The following RBMS3 variants were observed in gnomAD, a reference collection of about 807,000 sequenced individuals.
RBMS3 encodes the protein RNA binding motif single stranded interacting protein 3, also known as RNA-binding motif, single-stranded-interacting protein 3.
In RBMS3, 27 loss-of-function variants were observed where a neutral mutation model predicts 66.8. The observed-to-expected ratio is 0.40, with a 90% CI of 0.30 to 0.56. The LOEUF (loss-of-function observed/expected upper bound fraction) is 0.56, where lower values mean the gene tolerates loss of function less well. Ranked by LOEUF, RBMS3 falls within the 20% of genes least tolerant of loss-of-function variation. The pLI is 0.40. For synonymous variants in RBMS3, 188 were observed against 183.0 expected, an observed-to-expected ratio of 1.03 and a Z score of -0.22; for missense variants, 513 against 549.5, an observed-to-expected ratio of 0.93 and a Z score of 0.66.
At chr3:30,002,573 G>T (rs1423907373) in intron 14 of RBMS3, among the ~76,000 whole-genome samples, 1 of 151,988 alleles carries the variant, frequency 6.6e-6, no homozygotes, top group African/African-American at 2.4e-5. Context: ...GCTACTGTAT[G>T]AAAATTGTAA....
chr3:29,340,124 A>G (rs1265674824), intron 1 of RBMS3, among the ~76,000 whole-genome samples: 1 of 152,160 alleles, frequency 6.6e-6, no homozygotes, highest in Non-Finnish European at 1.5e-5. Context: ...AGATATTTTG[A>G]TAGAGTTTGT....
intron 3 of RBMS3, 53 bp downstream of exon 3, chr3:29,488,552 T>C (rs1319795555): frequency 6.6e-7 from 1 of 1,504,360 alleles, no homozygotes; most frequent in Non-Finnish European, 9.2e-7. Context: ...ATCTGATTAA[T>C]GGTTCTTCCA....
intron 6 of RBMS3, among the ~76,000 whole-genome samples, chr3:29,775,779 T>C: frequency 6.6e-6 from 1 of 152,012 alleles, no homozygotes; most frequent in East Asian, 1.9e-4. Context: ...TAATAATATA[T>C]TTAAACACTA....
intron 3 of RBMS3, among the ~76,000 whole-genome samples, chr3:29,536,853 T>C (rs1048900498): frequency 1.3e-5 from 2 of 152,210 alleles, no homozygotes; most frequent in African/African-American, 2.4e-5. Context: ...GCAAGTGATA[T>C]TGTAAAATAT....
chr3:29,391,719 A>T (rs528352811), intron 1 of RBMS3, among the ~76,000 whole-genome samples: 1 of 152,328 alleles, frequency 6.6e-6, no homozygotes, highest in East Asian at 1.9e-4. Context: ...AGATGTTCAT[A>T]TCAACTTTGC....
intron 12 of RBMS3, among the ~76,000 whole-genome samples, chr3:29,967,766 A>G (rs902267441): frequency 2.6e-5 from 4 of 152,136 alleles, no homozygotes; most frequent in African/African-American, 7.2e-5. Flanking sequence ...AAATGTGTTC[A>G]CAGTAGCCTT....
chr3:29,406,674 A>C (rs2040027661), intron 1 of RBMS3, among the ~76,000 whole-genome samples: 1 of 152,158 alleles, frequency 6.6e-6, no homozygotes, highest in African/African-American at 2.4e-5. Context: ...TTGTAACCCT[A>C]AGCTAAACCC....
chr3:29,828,833 C>G (rs1431375661), intron 6 of RBMS3, among the ~76,000 whole-genome samples: 1 of 152,058 alleles, frequency 6.6e-6, no homozygotes, highest in African/African-American at 2.4e-5. Flanking sequence ...GAAATATTTG[C>G]ATTCCTGGCA....
At chr3:29,501,930 T>C (rs1361457405) in intron 3 of RBMS3, among the ~76,000 whole-genome samples, 4 of 152,008 alleles carry the variant, frequency 2.6e-5, no homozygotes, top group Non-Finnish European at 5.9e-5. Flanking sequence ...GCGGTAGTTA[T>C]GGTGTCAGAG....
At chr3:29,345,319 C>G (rs2036510431) in intron 1 of RBMS3, among the ~76,000 whole-genome samples, 1 of 152,282 alleles carries the variant, frequency 6.6e-6, no homozygotes, top group African/African-American at 2.4e-5. Context: ...CTCTTGAAAA[C>G]TCATGGCTTT....
intron 4 of RBMS3, among the ~76,000 whole-genome samples, chr3:29,654,515 T>A (rs2050252727): frequency 7.3e-6 from 1 of 136,280 alleles, no homozygotes; most frequent in Non-Finnish European, 1.5e-5. Flanking sequence ...ATACATGAAT[T>A]GGATTCGTGT....
intron 6 of RBMS3, among the ~76,000 whole-genome samples, chr3:29,830,094 T>C (rs1177331251): frequency 6.6e-6 from 1 of 152,156 alleles, no homozygotes; most frequent in Non-Finnish European, 1.5e-5. Flanking sequence ...CATTTCTATA[T>C]ACTTATCAGC....
At chr3:29,677,181 C>G (rs965711559) in intron 4 of RBMS3, among the ~76,000 whole-genome samples, 1 of 152,088 alleles carries the variant, frequency 6.6e-6, no homozygotes, top group African/African-American at 2.4e-5. Context: ...CCCTCATAAT[C>G]CAATCACCTC....
chr3:29,901,734 A>T (rs1192425806), intron 10 of RBMS3, among the ~76,000 whole-genome samples: 1 of 151,818 alleles, frequency 6.6e-6, no homozygotes, highest in African/African-American at 2.4e-5. Flanking sequence ...TGACTAAATT[A>T]TGCATCGTGC....
At chr3:29,382,481 A>T (rs1242405785) in intron 1 of RBMS3, among the ~76,000 whole-genome samples, 1 of 152,146 alleles carries the variant, frequency 6.6e-6, no homozygotes, top group Non-Finnish European at 1.5e-5. Flanking sequence ...TTAGTATTTA[A>T]ATTGCCTCAC....
At chr3:29,762,775 G>T in intron 5 of RBMS3, 135 bp from the exon 6 acceptor site, 1 of 655,974 alleles carries the variant, frequency 1.5e-6, no homozygotes, top group South Asian at 1.8e-5. Context: ...TGGTCATCAT[G>T]TTCATGAAAA....
chr3:29,560,531 T>G (rs978191031), intron 3 of RBMS3, among the ~76,000 whole-genome samples: 2 of 152,244 alleles, frequency 1.3e-5, no homozygotes, highest in Non-Finnish European at 2.9e-5. Context: ...CAGTCATTAT[T>G]AAAATTTAAA....
At chr3:29,566,608 ATGT>A (rs2046749023) in intron 3 of RBMS3, among the ~76,000 whole-genome samples, 1 of 145,250 alleles carries the variant, frequency 6.9e-6, no homozygotes, top group South Asian at 2.2e-4. Context: ...TCATGTCTAA[ATGT>A]TGTCATTCTG....
chr3:29,423,965 A>G (rs1442445448), intron 1 of RBMS3, among the ~76,000 whole-genome samples: 9 of 152,216 alleles, frequency 5.9e-5, no homozygotes, highest in Non-Finnish European at 1.3e-4. Context: ...CTTCTTCAAC[A>G]TAGAGATAAT....
Sources: gnomAD v4.1 joint callset for allele counts (sites outside exome capture counted in the v4.1 genomes callset) on GRCh38, gnomAD v4.1.1 for gene constraint, MANE v1.5 for transcripts, NCBI Gene and HGNC (gene_info 2026-07-23, HGNC 2026-07-21) for gene names.